NXPH1: variants seen among roughly 807,000 people sequenced by gnomAD.
NXPH1 encodes neurexophilin 1, also known as neurexophilin-1.
Under a neutral mutation model 23.7 loss-of-function variants are expected in NXPH1, and 5 were observed. That is an observed-to-expected ratio of 0.21 (90% CI 0.11 to 0.44). The LOEUF (loss-of-function observed/expected upper bound fraction) is 0.44. Among genes scored for constraint, NXPH1 ranks in the 20% least tolerant of loss-of-function variants. The pLI is 0.99. For synonymous variants in NXPH1, 144 were observed against 122.2 expected (o/e 1.18, Z -1.18); for missense variants, 324 against 321.6 (o/e 1.01, Z -0.06).
intron 2 of NXPH1, among the ~76,000 whole-genome samples, chr7:8,588,600 C>G (rs1819026913): frequency 6.6e-6 from 1 of 152,134 alleles, no homozygotes; most frequent in Non-Finnish European, 1.5e-5. Flanking sequence ...GAGGTACTGA[C>G]TCTTTTTCAT....
At chr7:8,658,553 G>A (rs1158083092) in intron 2 of NXPH1, among the ~76,000 whole-genome samples, 1 of 152,138 alleles carries the variant, frequency 6.6e-6, no homozygotes, top group East Asian at 1.9e-4. Flanking sequence ...CAGAATAACT[G>A]TGACCACATT....
At chr7:8,548,277 T>A (rs149256854) in intron 2 of NXPH1, among the ~76,000 whole-genome samples, 415 of 151,694 alleles carry the variant, frequency 2.7e-3, no homozygotes, top group African/African-American at 9.4e-3. Flanking sequence ...ACTCCTAGTG[T>A]AGCTCACTGT....
chr7:8,483,965 C>CTTTTTTTTTTTTTTTTTTTTTTTTTT (rs60436502), intron 2 of NXPH1, among the ~76,000 whole-genome samples: 4 of 132,326 alleles, frequency 3.0e-5, no homozygotes, highest in African/African-American at 1.2e-4. Flanking sequence ...CTCCCCCCAC[C>CTTTTTTTTTTTTTTTTTTTTTTTTTT]TTTTTTTTTT....
At chr7:8,655,229 A>C (rs1820554956) in intron 2 of NXPH1, among the ~76,000 whole-genome samples, 2 of 152,046 alleles carry the variant, frequency 1.3e-5, no homozygotes, top group Admixed American at 1.3e-4. Flanking sequence ...TACCAAAAAT[A>C]CAAAAATTAG....
intron 2 of NXPH1, among the ~76,000 whole-genome samples, chr7:8,576,509 A>G (rs1818758538): frequency 6.6e-6 from 1 of 152,202 alleles, no homozygotes; most frequent in Non-Finnish European, 1.5e-5. Context: ...ACTGAGGGAC[A>G]TTCTAGACAA....
intron 2 of NXPH1, among the ~76,000 whole-genome samples, chr7:8,707,393 T>G (rs1027531007): frequency 2.6e-5 from 4 of 152,164 alleles, no homozygotes; most frequent in Non-Finnish European, 5.9e-5. Flanking sequence ...TATTAAGACA[T>G]GTTATAAGTG....
intron 2 of NXPH1, among the ~76,000 whole-genome samples, chr7:8,448,967 C>A (rs1052310190): frequency 3.3e-5 from 5 of 151,946 alleles, no homozygotes; most frequent in African/African-American, 1.2e-4. Context: ...ATGTGGCAAA[C>A]ACTATGGCCA....
At chr7:8,595,843 T>C in intron 2 of NXPH1, among the ~76,000 whole-genome samples, 1 of 152,076 alleles carries the variant, frequency 6.6e-6, no homozygotes, top group East Asian at 1.9e-4. Context: ...CCATCGCTTT[T>C]AGTGATTATG....
intron 2 of NXPH1, among the ~76,000 whole-genome samples, chr7:8,561,573 G>A (rs1005217530): frequency 1.3e-5 from 2 of 151,496 alleles, no homozygotes; most frequent in Non-Finnish European, 3.0e-5. Context: ...AAAATGGGTC[G>A]AGTCACATGG....
intron 2 of NXPH1, among the ~76,000 whole-genome samples, chr7:8,614,526 G>T (rs984390652): frequency 7.9e-5 from 12 of 151,652 alleles, no homozygotes; most frequent in Non-Finnish European, 1.3e-4. Context: ...TACACGTTTA[G>T]AAATAGACAT....
chr7:8,739,336 A>T (rs901496925), intron 2 of NXPH1, among the ~76,000 whole-genome samples: 8 of 152,050 alleles, frequency 5.3e-5, no homozygotes, highest in African/African-American at 1.7e-4. Flanking sequence ...AAAGTGTAGT[A>T]TCTGGGCCAG....
At chr7:8,732,692 T>C (rs971620326) in intron 2 of NXPH1, among the ~76,000 whole-genome samples, 1 of 152,186 alleles carries the variant, frequency 6.6e-6, no homozygotes, top group Non-Finnish European at 1.5e-5. Context: ...TTAGATGAGA[T>C]ACGCCTTATA....
At chr7:8,727,853 A>G (rs907740163) in intron 2 of NXPH1, among the ~76,000 whole-genome samples, 26 of 151,928 alleles carry the variant, frequency 1.7e-4, no homozygotes, top group African/African-American at 6.0e-4. Context: ...ACTTTAAAGT[A>G]GTTTTTTCCA....
chr7:8,708,431 G>A (rs1028418092), intron 2 of NXPH1, among the ~76,000 whole-genome samples: 1 of 152,034 alleles, frequency 6.6e-6, no homozygotes, highest in African/African-American at 2.4e-5. Context: ...CACGATCTCA[G>A]CTCACTGCAA....
chr7:8,522,770 C>T (rs944051564), intron 2 of NXPH1, among the ~76,000 whole-genome samples: 3 of 152,170 alleles, frequency 2.0e-5, no homozygotes, highest in Admixed American at 1.3e-4. Context: ...TCCTGCTTCC[C>T]ACCTCTAGGT....
intron 2 of NXPH1, among the ~76,000 whole-genome samples, chr7:8,739,517 C>T (rs769485665): frequency 3.9e-5 from 6 of 152,128 alleles, no homozygotes; most frequent in East Asian, 1.9e-4. Flanking sequence ...CTGCGTACCT[C>T]AGCTGGAAAT....
intron 2 of NXPH1, among the ~76,000 whole-genome samples, chr7:8,695,395 AGAAT>A (rs962181942): frequency 6.6e-5 from 10 of 152,246 alleles, no homozygotes; most frequent in Admixed American, 4.6e-4. Flanking sequence ...ACCATGTTAC[AGAAT>A]GTAGTTTGTT....
rs552690207 is a variant in NXPH1, at chr7:8,708,914, TAG to T, written c.55-42092_55-42091del. ...AATTCAGAGCCACAGGCCCTACCTG[TAG>T]ATGAACTGAGTCAGAATCTGCATTT... On this transcript the variant is annotated intron_variant, in intron 2 of 2. Transcript: ENST00000405863. 5.9e-5 allele frequency among the ~76,000 whole-genome samples: 9 copies of T among 152,264 alleles called. No homozygotes were observed. The South Asian group carries it at 1.9e-3, about 32-fold the overall frequency.
At chr7:8,498,638 A>G (rs1037269373) in intron 2 of NXPH1, among the ~76,000 whole-genome samples, 2 of 151,940 alleles carry the variant, frequency 1.3e-5, no homozygotes, top group African/African-American at 4.8e-5. Context: ...TTTCAGTTCT[A>G]TTGGGAAATT....
Sources: gnomAD v4.1 joint callset for allele counts (sites outside exome capture counted in the v4.1 genomes callset) on GRCh38, gnomAD v4.1.1 for gene constraint, MANE v1.5 for transcripts, NCBI Gene and HGNC (gene_info 2026-07-23, HGNC 2026-07-21) for gene names.